ATP2B4: variants seen among roughly 807,000 people sequenced by gnomAD.
ATP2B4 encodes plasma membrane calcium-transporting ATPase 4.
ATP2B4 carries 39 observed loss-of-function variants against 110.3 expected under a neutral mutation model. That is an observed-to-expected ratio of 0.35 (90% CI 0.27 to 0.46). ATP2B4 has a LOEUF of 0.46. Among genes scored for constraint, ATP2B4 ranks in the 20% least tolerant of loss-of-function variants. The pLI, the probability that ATP2B4 is intolerant of heterozygous loss-of-function variation, is 1.00. For synonymous variants in ATP2B4, 538 were observed against 571.7 expected (o/e 0.94, Z 0.84); for missense variants, 1,135 against 1,530.9 (o/e 0.74, Z 4.32).
intron 1 of ATP2B4, among the ~76,000 whole-genome samples, chr1:203,647,438 A>AG (rs1663834796): frequency 6.6e-6 from 1 of 150,626 alleles, no homozygotes; most frequent in African/African-American, 2.4e-5. Flanking sequence ...CTTCTCTCTA[A>AG]AAAAAACAGA....
At chr1:203,647,321 A>T (rs1469794845) in intron 1 of ATP2B4, among the ~76,000 whole-genome samples, 1 of 152,158 alleles carries the variant, frequency 6.6e-6, no homozygotes, top group African/African-American at 2.4e-5. Context: ...CTGTAGTCCC[A>T]GCTACTCAGG....
intron 2 of ATP2B4, among the ~76,000 whole-genome samples, chr1:203,689,149 T>A (rs1363424645): frequency 1.3e-5 from 2 of 152,232 alleles, no homozygotes; most frequent in Admixed American, 6.5e-5. Context: ...TGTGGTTTCC[T>A]GTGGAGTCTC....
At chr1:203,727,607 A>G in intron 20 of ATP2B4, 36 bp downstream of exon 20, 2 of 1,608,220 alleles carry the variant, frequency 1.2e-6, no homozygotes, top group Non-Finnish European at 1.7e-6. Flanking sequence ...CCTTGGGAGA[A>G]GCAGCTTCCC....
At chr1:203,662,417 T>G (rs150382680) in intron 1 of ATP2B4, among the ~76,000 whole-genome samples, 1,740 of 152,292 alleles carry the variant, frequency 0.011, 32 homozygotes, top group African/African-American at 0.04. Context: ...CTAGAACTTC[T>G]CCTTCATCCC....
intron 20 of ATP2B4, among the ~76,000 whole-genome samples, chr1:203,734,034 G>C (rs114440238): frequency 6.6e-6 from 1 of 152,204 alleles, no homozygotes; most frequent in Non-Finnish European, 1.5e-5. Context: ...GGCTGGGCAC[G>C]ATGGCTCACG....
chr1:203,628,656 G>A (rs1393283826), intron 1 of ATP2B4, among the ~76,000 whole-genome samples: 1 of 152,096 alleles, frequency 6.6e-6, no homozygotes, highest in Non-Finnish European at 1.5e-5. Flanking sequence ...TCCCCAAGCT[G>A]CCCCTTCTCC....
chr1:203,683,651 C>T (rs1178495339), intron 2 of ATP2B4, among the ~76,000 whole-genome samples: 4 of 140,788 alleles, frequency 2.8e-5, no homozygotes, highest in Non-Finnish European at 3.1e-5. Flanking sequence ...TTCTTTCTTT[C>T]TTCTTCTTTT....
At chr1:203,657,713 G>A in intron 1 of ATP2B4, 2 of 751,254 alleles carry the variant, frequency 2.7e-6, no homozygotes, top group East Asian at 4.9e-5. Context: ...AATCCAAACG[G>A]TATCCATAGT....
chr1:203,677,727 G>C (rs1309121407), intron 1 of ATP2B4, among the ~76,000 whole-genome samples: 1 of 152,196 alleles, frequency 6.6e-6, no homozygotes, highest in Admixed American at 6.5e-5. Context: ...GCCTCCCAAA[G>C]TGCTGGGATT....
At chr1:203,640,972 G>C (rs773388982) in intron 1 of ATP2B4, among the ~76,000 whole-genome samples, 9 of 152,182 alleles carry the variant, frequency 5.9e-5, no homozygotes, top group Admixed American at 3.3e-4. Flanking sequence ...ACAGGTACAG[G>C]CTTTTTCTTG....
At position 203,700,247 on chromosome 1, in the gene ATP2B4, G is replaced by A; in HGVS notation, c.691G>A (p.Asp231Asn). Residue 231 changes from aspartate (D) to asparagine (N), a missense_variant, in exon 5 of 21, where the codon GAT (aspartate) becomes AAT (asparagine). Transcript: ENST00000357681. Reference protein sequence around the residue: ...PADGILIQGNDLKIDESSLTG... With the variant: ...PADGILIQGNNLKIDESSLTG... ...AGATGGAATCCTGATCCAAGGGAAT[G>A]ATCTGAAGATTGATGAGAGCTCTCT... 3 of 1,613,946 alleles carry A rather than the reference G, an allele frequency of 1.9e-6. No individual in the cohort carries two copies. The highest frequency in any genetic ancestry group is 2.5e-6 in the Non-Finnish European group (3 of 1,179,876).
chr1:203,698,125 C>T (rs1270886563), intron 2 of ATP2B4, 32 bp from the exon 3 acceptor site: 1 of 1,603,632 alleles, frequency 6.2e-7, no homozygotes, highest in Non-Finnish European at 8.5e-7. Context: ...TTTTTTCCTA[C>T]ATTCATTCAT....
intron 1 of ATP2B4, among the ~76,000 whole-genome samples, chr1:203,674,783 A>T (rs1664781293): frequency 6.7e-6 from 1 of 150,040 alleles, no homozygotes; most frequent in Non-Finnish European, 1.5e-5. Flanking sequence ...CAGCCTCCTG[A>T]GTAGCTGGGA....
intron 8 of ATP2B4, 69 bp downstream of exon 8, chr1:203,703,882 C>T: frequency 6.6e-7 from 1 of 1,525,224 alleles, no homozygotes; most frequent in Non-Finnish European, 8.8e-7. Flanking sequence ...TTATCCCCTT[C>T]TTTCTGCACC....
intron 19 of ATP2B4, among the ~76,000 whole-genome samples, chr1:203,724,317 A>G (rs976245822): frequency 6.6e-6 from 1 of 152,108 alleles, no homozygotes; most frequent in Non-Finnish European, 1.5e-5. Flanking sequence ...GGAAATCAAG[A>G]CCGTCCTGGC....
chr1:203,709,466 A>T lies in ATP2B4; in HGVS notation c.1723A>T (p.Met575Leu). The T allele has an allele frequency of 1.9e-6, 3 of 1,614,222 alleles. No homozygotes were observed. The highest frequency in any genetic ancestry group is 2.5e-6 in the Non-Finnish European group (3 of 1,180,032). Reference protein sequence around the residue: ...VYTFNSVRKSMSTVIRNPNGG... With the variant: ...VYTFNSVRKSLSTVIRNPNGG... ...CACCTTTAACTCAGTGCGCAAGTCA[A>T]TGAGCACCGTCATCAGGAATCCCAA... Residue 575 changes from methionine to leucine, a missense_variant, in exon 11 of 21, where the codon ATG (methionine) becomes TTG (leucine). Met to Leu is a conservative substitution (Grantham distance 15, BLOSUM62 2). Coordinates refer to ENST00000357681, the MANE Select transcript of ATP2B4 (RefSeq NM_001684.5).
At chr1:203,684,315 C>T (rs1392302644) in intron 2 of ATP2B4, among the ~76,000 whole-genome samples, 1 of 151,326 alleles carries the variant, frequency 6.6e-6, no homozygotes, top group Non-Finnish European at 1.5e-5. Context: ...CCCAGGAGTT[C>T]CAGACCAGCC....
At chr1:203,632,832 G>A (rs898558937) in intron 1 of ATP2B4, among the ~76,000 whole-genome samples, 3 of 152,080 alleles carry the variant, frequency 2.0e-5, no homozygotes, top group African/African-American at 7.2e-5. Flanking sequence ...TAACTATGGT[G>A]ATATTTCTGG....
At chr1:203,723,392 G>T (rs1346422441) in intron 18 of ATP2B4, among the ~76,000 whole-genome samples, 1 of 123,764 alleles carries the variant, frequency 8.1e-6, no homozygotes, top group African/African-American at 3.2e-5. Flanking sequence ...TTTTCTTTTT[G>T]TTTTTTTTTT....
Sources: allele counts gnomAD v4.1 joint callset (sites outside exome capture counted in the v4.1 genomes callset), GRCh38; gene constraint gnomAD v4.1.1; transcripts MANE v1.5; gene names NCBI Gene and HGNC (gene_info 2026-07-23, HGNC 2026-07-21).